FAT2: variants seen among roughly 807,000 people sequenced by gnomAD.
The protein encoded by FAT2 is protocadherin Fat 2.
FAT2 carries 150 observed loss-of-function variants against 295.3 expected under a neutral mutation model. That is an observed-to-expected ratio of 0.51 (90% CI 0.44 to 0.58). The LOEUF (loss-of-function observed/expected upper bound fraction) is 0.58, where lower values mean the gene tolerates loss of function less well. Ranked by LOEUF, FAT2 falls within the 20% of genes least tolerant of loss-of-function variation. FAT2 has a pLI of 0.00. For missense variants in FAT2, 4,868 were observed against 5,442.7 expected (o/e 0.89, Z 3.32); for synonymous variants, 2,026 against 2,150.3 (o/e 0.94, Z 1.60).
At chr5:151,527,162 T>C (rs1366390050) in intron 17 of FAT2, 72 bp downstream of exon 17, 4 of 1,469,540 alleles carry the variant, frequency 2.7e-6, no homozygotes, top group Non-Finnish European at 3.7e-6. Context: ...CTAATGCCAC[T>C]GAGGGGCATC....
upstream of FAT2, among the ~76,000 whole-genome samples, chr5:151,594,806 G>A (rs1049836978): frequency 1.2e-4 from 18 of 152,246 alleles, no homozygotes; most frequent in African/African-American, 4.3e-4. Context: ...CAGATTTCAG[G>A]GTGCCCATAA....
chr5:151,560,487 G>A (rs191672581), intron 3 of FAT2, among the ~76,000 whole-genome samples: 49 of 152,080 alleles, frequency 3.2e-4, no homozygotes, highest in Middle Eastern at 3.4e-3. Flanking sequence ...CGTCACCCTC[G>A]CCCATTTGCT....
rs1756252402 is a variant in FAT2 at position 151,542,524 on chromosome 5, C to A, written c.8603G>T (p.Cys2868Phe). ...TTLQELDCET[C>F]QTYHFHVVAY... ...CACCACATGAAAATGATAAGTCTGG[C>A]AGGTCTCACAGTCAAGTTCCTGGAG... The change falls in exon 10 of 24, where the codon TGC becomes TTC. Residue 2868 changes from cysteine (C) to phenylalanine (F), a missense_variant. Cys to Phe is a radical substitution (Grantham distance 205, BLOSUM62 -2). Around this residue, in one of 5 missense-constraint regions of FAT2, gnomAD observed 3,297 missense variants for 3,669.4 expected, o/e 0.90. Coordinates refer to ENST00000261800, the MANE Select transcript of FAT2 (RefSeq NM_001447.3). The A allele has an allele frequency of 1.9e-6, 3 of 1,614,170 alleles. No homozygotes were observed. The highest frequency in any genetic ancestry group is 1.7e-5 in the Admixed American group (1 of 60,010).
In FAT2 at chr5:151,567,989, C is replaced by T. The variant is rs774890796; in HGVS notation, c.943G>A (p.Val315Met). 2 of 1,614,190 alleles carry T rather than the reference C, an allele frequency of 1.2e-6. No individual in the cohort carries two copies. Among genetic ancestry groups the T allele is most frequent in the Non-Finnish European group, 1.7e-6 (2 of 1,180,026 alleles). The change falls in exon 2 of 24, where the codon GTG (valine) becomes ATG (methionine). Residue 315 changes from valine (V) to methionine (M), a missense_variant. Physicochemically the swap from Val to Met is conservative, Grantham distance 21. Coordinates refer to ENST00000261800, the MANE Select transcript of FAT2 (RefSeq NM_001447.3). The stretch of plus-strand genomic sequence containing the variant: ...ATCCAGTTGATGTCTTTGACAGACA[C>T]CAAACTGAACTCATTGCTCCGGGCA... The part of the protein sequence containing the change: ...SYARSNEFSL[V>M]SVKDINWMEY...
In FAT2 at chr5:151,512,469, C is replaced by G; in HGVS notation, c.11601G>C (p.Met3867Ile). Residue 3867 changes from methionine (M) to isoleucine (I), a missense_variant, in exon 21 of 24, where the codon ATG (methionine) becomes ATC (isoleucine). Physicochemically the swap from Met to Ile is conservative, Grantham distance 10. Around this residue, in one of 5 missense-constraint regions of FAT2, gnomAD observed 1,046 missense variants for 1,210.1 expected, o/e 0.86. Transcript: ENST00000261800. The surrounding 1 kb of genome is among the most constrained non-coding windows in gnomAD (Gnocchi z 4.1). Reference sequence around the variant, plus strand: ...GGGAGGTGTTGCCCATGCTGTCAACCATCAGGCGAATGGAAGCGTCCATCT... The same window carrying G: ...GGGAGGTGTTGCCCATGCTGTCAACGATCAGGCGAATGGAAGCGTCCATCT... Reference protein sequence around the residue: ...VEEMDASIRLMVDSMGNTSLV... With the variant: ...VEEMDASIRLIVDSMGNTSLV... The G allele has an allele frequency of 6.2e-7, 1 of 1,614,248 alleles. No homozygotes were observed. Among genetic ancestry groups the G allele is most frequent in the Admixed American group, 1.7e-5 (1 of 60,034 alleles).
At chr5:151,580,767 T>A (rs575117213) in intron 1 of FAT2, among the ~76,000 whole-genome samples, 3 of 152,246 alleles carry the variant, frequency 2.0e-5, no homozygotes, top group Admixed American at 6.5e-5. Context: ...GTATTGACAG[T>A]GAAAACACCA....
chr5:151,526,150 C>A (rs1753960320), intron 17 of FAT2, among the ~76,000 whole-genome samples, 185 bp from the exon 18 acceptor site: 2 of 152,174 alleles, frequency 1.3e-5, no homozygotes, highest in African/African-American at 4.8e-5. Context: ...ACTTTGCTGT[C>A]TAGACCAGGA....
chr5:151,586,385 C>G (rs538459181), intron 1 of FAT2, among the ~76,000 whole-genome samples: 1 of 152,176 alleles, frequency 6.6e-6, no homozygotes, highest in Non-Finnish European at 1.5e-5. Context: ...TTGCAGGGGC[C>G]GCCCAGGAAC....
rs138793845 is a variant in FAT2 at position 151,545,661 on chromosome 5, T to A, written c.5466A>T (p.Leu1822=). 2.8e-5 allele frequency: 46 copies of A among 1,614,154 alleles called. No homozygotes were observed. In the African/African-American group the frequency reaches 6.0e-4, roughly 21 times the overall value. ...CATAATCCATCTCTGATACAATGGT[T>A]AGGGTTCCCATGCTGGGATCAATTT... is the stretch of plus-strand genomic sequence containing the variant. ...FFKIDPSMGT[L]TIVSEMDYES... Residue 1822 remains leucine (L), a synonymous_variant, in exon 10 of 24, where the codon CTA becomes CTT. Coordinates refer to ENST00000261800, the MANE Select transcript of FAT2 (RefSeq NM_001447.3).
chr5:151,557,765 A>C (rs1757826194), intron 3 of FAT2, among the ~76,000 whole-genome samples: 1 of 152,212 alleles, frequency 6.6e-6, no homozygotes, highest in Non-Finnish European at 1.5e-5. Context: ...CTGACAACCA[A>C]TTCAATTCTG....
chr5:151,551,292 G>A (rs1757185975), intron 7 of FAT2, among the ~76,000 whole-genome samples, 175 bp downstream of exon 7: 1 of 152,200 alleles, frequency 6.6e-6, no homozygotes, highest in African/African-American at 2.4e-5. Flanking sequence ...CAGAGTGGGA[G>A]AAAGAATTCT....
chr5:151,510,170 A>G lies in FAT2; in HGVS notation c.11910T>C (p.Tyr3970=), dbSNP rs530091148. Residue 3970 remains tyrosine, a synonymous_variant, in exon 22 of 24, where the codon TAT becomes TAC. Coordinates refer to ENST00000261800, the MANE Select transcript of FAT2 (RefSeq NM_001447.3). ...GKCSWTHGAG[Y]VCKCPPQFSG... is the part of the protein sequence containing the mutation. ...AGAACTGTGGGGGACATTTGCAGAC[A>G]TAGCCTAGGAGAAAAAGAAGGGAGG... is the stretch of plus-strand genomic sequence containing the variant. 6 of 1,614,066 alleles carry G rather than the reference A, an allele frequency of 3.7e-6. No homozygotes were observed. In the South Asian group the frequency reaches 5.5e-5, roughly 15 times the overall value.
At chr5:151,533,385 T>C (rs943448911) in intron 13 of FAT2, among the ~76,000 whole-genome samples, 1 of 133,498 alleles carries the variant, frequency 7.5e-6, no homozygotes, top group Non-Finnish European at 1.6e-5. Flanking sequence ...CTTGCACTTG[T>C]TATCTCCAAC....
chr5:151,563,319 C>T lies in FAT2; in HGVS notation c.3574+6G>A, dbSNP rs1315269972. The T allele has an allele frequency of 6.2e-7, 1 of 1,612,538 alleles. No individual in the cohort carries two copies. Among genetic ancestry groups the T allele is most frequent in the Non-Finnish European group, 8.5e-7 (1 of 1,179,482 alleles). On this transcript the variant is annotated splice_donor_region_variant and intron_variant, in intron 3 of 23. Transcript: ENST00000261800. ...TCCCTGTTCACCCAGCTTTTTGGAT[C>T]CTTACCTGTAACAGGGTGAATCATA...
intron 20 of FAT2, among the ~76,000 whole-genome samples, chr5:151,514,500 A>T (rs1289796253): frequency 2.0e-5 from 3 of 152,234 alleles, no homozygotes; most frequent in African/African-American, 7.2e-5. Context: ...CACCTGCTCT[A>T]TACAGACATG....
chr5:151,586,215 G>C (rs767888215), intron 1 of FAT2, among the ~76,000 whole-genome samples: 1 of 152,218 alleles, frequency 6.6e-6, no homozygotes. Flanking sequence ...ACATGCTGAC[G>C]TTACTGTACC....
At position 151,531,473 on chromosome 5, in the gene FAT2, G is replaced by C; in HGVS notation, c.9811+114C>G. ...AGAAGAGAATGGAGAAACGACCAGA[G>C]GAGGTCTGCTCTGGGAGGCGCTGCA... On this transcript the variant is annotated intron_variant, in intron 14 of 23. Coordinates refer to ENST00000261800, the MANE Select transcript of FAT2 (RefSeq NM_001447.3). This position sits in a 1 kb window ranked among gnomAD's most constrained non-coding sequence, Gnocchi z 5.7. 7.3e-7 allele frequency: 1 copy of C among 1,377,686 alleles called. No homozygotes were observed. Among genetic ancestry groups the C allele is most frequent in the Non-Finnish European group, 9.9e-7 (1 of 1,012,836 alleles). 85.3% of individuals were successfully genotyped at this position (1,377,686 alleles called of 1,614,324 possible).
chr5:151,555,138 A>G (rs1198191906), intron 4 of FAT2, among the ~76,000 whole-genome samples: 1 of 152,208 alleles, frequency 6.6e-6, no homozygotes, highest in Non-Finnish European at 1.5e-5. Flanking sequence ...AAAAGGCCCC[A>G]AAACCATTTC....
rs2127579143 is a variant in FAT2 at position 151,521,276 on chromosome 5, C to T, written c.11317G>A (p.Gly3773Ser). The change falls in exon 19 of 24, where the codon GGT becomes AGT. Residue 3773 changes from glycine (G) to serine (S), a missense_variant and splice_region_variant. Gly to Ser is a moderately conservative substitution (Grantham distance 56, BLOSUM62 0). This residue lies in a region of FAT2 where 1,046 missense variants were observed against 1,210.1 expected (regional missense o/e 0.86). Transcript: ENST00000261800. ...TCCCTAGGGAAGATGTAGTACTTAC[C>T]ATTGCAGGAGCAGCTCCTCTGCAGG... ...HHLQRSCSCN[G>S]TATRFSGQSY... The T allele has an allele frequency of 6.2e-7, 1 of 1,602,966 alleles. No individual in the cohort carries two copies. The highest frequency in any genetic ancestry group is 8.5e-7 in the Non-Finnish European group (1 of 1,172,918).
Sources: gnomAD v4.1 joint callset for allele counts (sites outside exome capture counted in the v4.1 genomes callset) on GRCh38, gnomAD v4.1.1 for gene constraint, gnomAD v4.1.1 regional missense constraint, Gnocchi (gnomAD v3.1) non-coding constraint, MANE v1.5 for transcripts, NCBI Gene and HGNC (gene_info 2026-07-23, HGNC 2026-07-21) for gene names.